Variants in PDZD2 observed in about 807,000 individuals in gnomAD.
PDZD2 encodes PDZ domain-containing protein 2.
A neutral mutation model predicts 220.7 loss-of-function variants in PDZD2; 90 were observed. That is an observed-to-expected ratio of 0.41 (90% confidence interval 0.34 to 0.49). The LOEUF (loss-of-function observed/expected upper bound fraction) is 0.49. Ranked by LOEUF, PDZD2 falls within the 20% of genes least tolerant of loss-of-function variation. The pLI, the probability that PDZD2 is intolerant of heterozygous loss-of-function variation, is 0.28. For synonymous variants in PDZD2, 1,375 were observed against 1,450.5 expected (o/e 0.95, Z 1.18); for missense variants, 3,174 against 3,608.5 (o/e 0.88, Z 3.08).
intron 2 of PDZD2, among the ~76,000 whole-genome samples, chr5:31,893,758 T>C (rs1312504530): frequency 6.6e-6 from 1 of 152,200 alleles, no homozygotes; most frequent in African/African-American, 2.4e-5. Flanking sequence ...AGGGATTGTG[T>C]ATGTATGTGT....
At chr5:31,797,517 T>C (rs1049482761) in intron 1 of PDZD2, among the ~76,000 whole-genome samples, 1 of 151,750 alleles carries the variant, frequency 6.6e-6, no homozygotes, top group Non-Finnish European at 1.5e-5. Flanking sequence ...GTATTTTTAG[T>C]AGAGATGGGG....
intron 6 of PDZD2, among the ~76,000 whole-genome samples, chr5:32,033,625 T>G (rs200991932): frequency 7.5e-4 from 29 of 38,884 alleles, no homozygotes; most frequent in African/African-American, 1.4e-3. Context: ...CCATCTCTCT[T>G]TTTTTTTTTT....
At chr5:31,819,177 C>A (rs1313863976) in intron 2 of PDZD2, among the ~76,000 whole-genome samples, 1 of 152,256 alleles carries the variant, frequency 6.6e-6, no homozygotes, top group East Asian at 1.9e-4. Context: ...CCACACTATT[C>A]TGAATCTTAA....
rs1361578851 is a variant in PDZD2, at chr5:31,694,967, T to C, written c.-361+55530T>C. ...GGTGACACCTCGTCTCTACTGAAAATACAAAAATTAGCCAGGCGTGGTGGC... is the reference window on the plus strand; with the variant it reads ...GGTGACACCTCGTCTCTACTGAAAACACAAAAATTAGCCAGGCGTGGTGGC... On this transcript the variant is annotated intron_variant, in intron 1 of 24. Coordinates refer to ENST00000438447, the MANE Select transcript of PDZD2 (RefSeq NM_178140.4). Among the ~76,000 whole-genome samples the C allele has an allele frequency of 2.6e-5, 4 of 151,508 alleles. No homozygotes were observed. In the East Asian group the frequency reaches 7.8e-4, roughly 29 times the overall value.
intron 1 of PDZD2, among the ~76,000 whole-genome samples, chr5:31,648,600 C>T (rs1041436527): frequency 6.6e-6 from 1 of 152,150 alleles, no homozygotes; most frequent in African/African-American, 2.4e-5. Flanking sequence ...ATCTTCTAAC[C>T]GGGCCACCTG....
At chr5:31,912,815 G>C (rs1398636361) in intron 2 of PDZD2, among the ~76,000 whole-genome samples, 1 of 152,172 alleles carries the variant, frequency 6.6e-6, no homozygotes, top group Non-Finnish European at 1.5e-5. Context: ...TATACTATTT[G>C]GAGTTCATAG....
At chr5:31,996,051 G>A (rs557822437) in intron 4 of PDZD2, among the ~76,000 whole-genome samples, 57 of 152,272 alleles carry the variant, frequency 3.7e-4, no homozygotes, top group Middle Eastern at 3.4e-3. Flanking sequence ...ATATGCTGCT[G>A]AGTAGAACAC....
Position 32,092,348 on chromosome 5 carries a change from G to A in PDZD2, c.7728-559G>A, listed in dbSNP as rs997620871. ...AGCACTTTGGGAGACCAAGGCAGGC[G>A]GATCACTTGAGGTCAGGAGTTCAAG... On this transcript the variant is annotated intron_variant, in intron 20 of 24. Transcript: ENST00000438447. 4.2e-5 allele frequency among the ~76,000 whole-genome samples: 6 copies of A among 142,600 alleles called. 1 individual carries two copies. Among genetic ancestry groups the A allele is most frequent in the African/African-American group, 1.0e-4 (4 of 38,442 alleles). The allele number at this position is 142,600 out of a possible 152,430, so 93.6% of individuals were successfully genotyped here. A position where few individuals can be genotyped will look rare whatever the true frequency, so the allele number is the denominator to read the frequency against.
At chr5:31,884,731 G>T (rs1035894650) in intron 2 of PDZD2, among the ~76,000 whole-genome samples, 8 of 152,114 alleles carry the variant, frequency 5.3e-5, no homozygotes, top group African/African-American at 1.9e-4. Context: ...GGGACTACAA[G>T]TGCCCGCCAC....
At chr5:31,822,986 T>C (rs1408273467) in intron 2 of PDZD2, 11 of 1,180,170 alleles carry the variant, frequency 9.3e-6, no homozygotes, top group Non-Finnish European at 1.3e-5. Context: ...CTCTTTTTTT[T>C]CTTTCCGAGA....
intron 1 of PDZD2, among the ~76,000 whole-genome samples, chr5:31,686,869 T>C (rs1746892548): frequency 6.6e-6 from 1 of 152,238 alleles, no homozygotes; most frequent in South Asian, 2.1e-4. Flanking sequence ...ATTGTCTTTG[T>C]TTCTAGACTT....
At chr5:31,914,269 C>T (rs529053974) in intron 2 of PDZD2, among the ~76,000 whole-genome samples, 22 of 152,342 alleles carry the variant, frequency 1.4e-4, no homozygotes, top group African/African-American at 4.6e-4. Context: ...CGGTGGCTCA[C>T]GCCCGTAATC....
intron 5 of PDZD2, among the ~76,000 whole-genome samples, chr5:32,002,796 AC>A (rs1752309651): frequency 8.2e-6 from 1 of 121,782 alleles, no homozygotes; most frequent in South Asian, 2.8e-4. Context: ...CACACACACC[AC>A]CAACACAACC....
chr5:31,850,280 T>C (rs1005660366), intron 2 of PDZD2, among the ~76,000 whole-genome samples: 5 of 141,172 alleles, frequency 3.5e-5, no homozygotes, highest in African/African-American at 1.3e-4. Flanking sequence ...ACTTATCATC[T>C]AGTTAATGTC....
chr5:32,082,420 C>T (rs1425070643), intron 19 of PDZD2, among the ~76,000 whole-genome samples: 2 of 152,078 alleles, frequency 1.3e-5, no homozygotes, highest in Non-Finnish European at 2.9e-5. Flanking sequence ...GACCCGTACA[C>T]TGCACGGTGG....
At chr5:31,980,780 GTGTTTGTT>G (rs556430344) in intron 2 of PDZD2, among the ~76,000 whole-genome samples, 3 of 152,068 alleles carry the variant, frequency 2.0e-5, no homozygotes, top group Admixed American at 6.5e-5. Flanking sequence ...CTAGTGGATG[GTGTTTGTT>G]TGTTTGTTTG....
In PDZD2 at chr5:31,766,357, C is replaced by A. The variant is rs189858444; in HGVS notation, c.-360-32532C>A. On this transcript the variant is annotated intron_variant, in intron 1 of 24. Coordinates refer to ENST00000438447, the MANE Select transcript of PDZD2 (RefSeq NM_178140.4). Reference sequence around the variant, plus strand: ...AAGAAGTCCATGGTCAAATAAGTTTCTTTTTTATTATTGTATTCATTTTAT... The same window carrying A: ...AAGAAGTCCATGGTCAAATAAGTTTATTTTTTATTATTGTATTCATTTTAT... Among the ~76,000 whole-genome samples, 28 of 152,238 alleles carry A rather than the reference C, an allele frequency of 1.8e-4. No individual in the cohort carries two copies. In the South Asian group the frequency reaches 2.9e-3, roughly 16 times the overall value.
intron 1 of PDZD2, among the ~76,000 whole-genome samples, chr5:31,752,581 G>A (rs979135626): frequency 6.6e-6 from 1 of 150,408 alleles, no homozygotes; most frequent in Admixed American, 6.6e-5. Context: ...TAAAATAGGC[G>A]TTTTTTTTTC....
At chr5:31,855,485 A>G (rs1486883112) in intron 2 of PDZD2, among the ~76,000 whole-genome samples, 2 of 152,216 alleles carry the variant, frequency 1.3e-5, no homozygotes, top group South Asian at 4.1e-4. Flanking sequence ...CAGAGGGGAC[A>G]GGTAATAGGG....
Sources: gnomAD v4.1 joint callset for allele counts (sites outside exome capture counted in the v4.1 genomes callset) on GRCh38, gnomAD v4.1.1 for gene constraint, MANE v1.5 for transcripts, NCBI Gene and HGNC (gene_info 2026-07-23, HGNC 2026-07-21) for gene names.